PIEZO2: variants seen among roughly 807,000 people sequenced by gnomAD.
PIEZO2 encodes piezo-type mechanosensitive ion channel component 2.
In PIEZO2, 172 loss-of-function variants were observed where a neutral mutation model predicts 337.3. The observed-to-expected ratio is 0.51, with a 90% CI of 0.45 to 0.58. PIEZO2 has a LOEUF of 0.58. Among genes scored for constraint, PIEZO2 ranks in the 20% least tolerant of loss-of-function variants. The probability of loss-of-function intolerance (pLI) is 0.00; values close to 1 mark genes in which losing one functional copy is unlikely to be tolerated. For missense variants in PIEZO2, 3,028 were observed against 3,391.3 expected (o/e 0.89, Z 2.66); for synonymous variants, 1,251 against 1,228.5 (o/e 1.02, Z -0.38).
intron 31 of PIEZO2, among the ~76,000 whole-genome samples, 196 bp downstream of exon 31, chr18:10,743,946 T>C (rs563129280): frequency 2.6e-5 from 4 of 152,348 alleles, no homozygotes; most frequent in African/African-American, 7.2e-5. Context: ...GAGCGATCTT[T>C]CTGTTAAACT....
At chr18:10,809,013 C>T (rs10502406) in intron 7 of PIEZO2, among the ~76,000 whole-genome samples, 7 of 152,098 alleles carry the variant, frequency 4.6e-5, no homozygotes, top group South Asian at 4.1e-4. Context: ...GTTGGTAAAG[C>T]GAACTAAATG....
intron 2 of PIEZO2, among the ~76,000 whole-genome samples, chr18:11,062,060 G>C (rs2037982349): frequency 1.3e-5 from 2 of 152,030 alleles, no homozygotes; most frequent in Admixed American, 1.3e-4. Context: ...CCAAAACAGA[G>C]ATATAGACCA....
intron 2 of PIEZO2, among the ~76,000 whole-genome samples, chr18:11,011,457 G>A (rs1258865145): frequency 6.6e-6 from 1 of 151,998 alleles, no homozygotes; most frequent in Non-Finnish European, 1.5e-5. Context: ...GTATATTTAT[G>A]CTTAAAAATA....
chr18:10,901,741 T>G (rs1249799823), intron 4 of PIEZO2, among the ~76,000 whole-genome samples: 1 of 152,194 alleles, frequency 6.6e-6, no homozygotes, highest in Non-Finnish European at 1.5e-5. Flanking sequence ...ACTATTATTA[T>G]TGATAACATT....
chr18:10,946,050 A>G (rs964156271), intron 3 of PIEZO2, among the ~76,000 whole-genome samples: 1 of 152,180 alleles, frequency 6.6e-6, no homozygotes. Context: ...ATGTAATTGG[A>G]CCCCAAAATC....
In PIEZO2 at chr18:10,871,295, G is replaced by A. The variant is rs191321253; in HGVS notation, c.450C>T (p.Asp150=). The A allele has an allele frequency of 1.3e-4, 203 of 1,537,114 alleles. No homozygotes were observed. Among genetic ancestry groups the A allele is most frequent in the African/African-American group, 8.8e-4 (64 of 73,130 alleles). Residue 150 remains aspartate (D), a synonymous_variant, in exon 5 of 56, where the codon GAC becomes GAT. Transcript: ENST00000674853. ...CRNIVQKPVT[D]EAAQSNPEFE... is the part of the protein sequence containing the mutation. ...ACTCCGGGTTACTCTGTGCTGCTTC[G>A]TCTGTCACAGGTTTCTGAACAATGT...
intron 7 of PIEZO2, among the ~76,000 whole-genome samples, chr18:10,849,623 T>C (rs1469473671): frequency 6.6e-6 from 1 of 152,008 alleles, no homozygotes. Context: ...GCCCTACAAG[T>C]AGGAAACGCA....
rs188947076 is a variant in PIEZO2 at position 10,724,212 on chromosome 18, C to T, written c.5030-5953G>A. 7.2e-5 allele frequency among the ~76,000 whole-genome samples: 11 copies of T among 152,236 alleles called. No homozygotes were observed. The highest frequency in any genetic ancestry group is 1.9e-4 in the East Asian group (1 of 5,160). ...GTGGGTGTTTAAAACTCTTGCTTTC[C>T]GCTGGACATGGTGGCTCATGCGTTT... On this transcript the variant is annotated intron_variant, in intron 36 of 55. Coordinates refer to ENST00000674853, the MANE Select transcript of PIEZO2 (RefSeq NM_001378183.1). The surrounding 1 kb of genome is among the most constrained non-coding windows in gnomAD (Gnocchi z 5.8).
rs968228989 is a variant in PIEZO2 at position 11,110,786 on chromosome 18, T to C, written c.64+37739A>G. Among the ~76,000 whole-genome samples the C allele has an allele frequency of 5.3e-5, 8 of 152,170 alleles. No homozygotes were observed. Among genetic ancestry groups the C allele is most frequent in the Non-Finnish European group, 8.8e-5 (6 of 67,984 alleles). On this transcript the variant is annotated intron_variant, in intron 1 of 55. Coordinates refer to ENST00000674853, the MANE Select transcript of PIEZO2 (RefSeq NM_001378183.1). This position sits in a 1 kb window ranked among gnomAD's most constrained non-coding sequence, Gnocchi z 4.2. ...GGCAGCTCTGGCCCACGTGTGCGTT[T>C]CCTTTGGAACACACAGTATTGACCA...
In PIEZO2 at chr18:10,834,553, G is replaced by T. The variant is rs1415839794; in HGVS notation, c.917+20800C>A. Among the ~76,000 whole-genome samples, 1 of 152,188 alleles carries T rather than the reference G, an allele frequency of 6.6e-6. No homozygotes were observed. The highest frequency in any genetic ancestry group is 6.5e-5 in the Admixed American group (1 of 15,284). ...TTTTTGGGAGAATGCAACAGAATGTGATTGAATCCCTGCTGGGTGTCAGGC... is the reference window on the plus strand; with the variant it reads ...TTTTTGGGAGAATGCAACAGAATGTTATTGAATCCCTGCTGGGTGTCAGGC... On this transcript the variant is annotated intron_variant, in intron 7 of 55. Transcript: ENST00000674853. This position sits in a 1 kb window ranked among gnomAD's most constrained non-coding sequence, Gnocchi z 4.5.
intron 45 of PIEZO2, among the ~76,000 whole-genome samples, chr18:10,697,235 C>G (rs1313192356): frequency 6.6e-6 from 1 of 152,196 alleles, no homozygotes; most frequent in Non-Finnish European, 1.5e-5. Context: ...CTCCTGCTCT[C>G]AGAGCCTCTG....
intron 5 of PIEZO2, among the ~76,000 whole-genome samples, chr18:10,866,739 T>C (rs547043898): frequency 6.6e-6 from 1 of 152,192 alleles, no homozygotes; most frequent in African/African-American, 2.4e-5. Flanking sequence ...AAGTCAGTCA[T>C]GGACTCAAAG....
intron 36 of PIEZO2, among the ~76,000 whole-genome samples, chr18:10,722,378 G>A (rs1014161198): frequency 5.3e-5 from 8 of 151,854 alleles, no homozygotes; most frequent in African/African-American, 9.7e-5. Context: ...TTACAGGTGC[G>A]TGCCACCATG....
chr18:10,896,161 G>A (rs1254458461), intron 4 of PIEZO2, among the ~76,000 whole-genome samples: 3 of 152,100 alleles, frequency 2.0e-5, no homozygotes, highest in Non-Finnish European at 4.4e-5. Flanking sequence ...TATTCCTGGG[G>A]ACTGGGAGCA....
intron 7 of PIEZO2, among the ~76,000 whole-genome samples, chr18:10,848,933 C>G (rs147245909): frequency 2.0e-5 from 3 of 152,164 alleles, no homozygotes; most frequent in African/African-American, 7.2e-5. Flanking sequence ...ACTGAATTAT[C>G]CAGATCACCA....
At chr18:10,696,006 C>A in intron 47 of PIEZO2, 68 bp downstream of exon 47, 1 of 1,439,920 alleles carries the variant, frequency 6.9e-7, no homozygotes, top group Non-Finnish European at 9.8e-7. Context: ...GCAATGCATG[C>A]GAGTATCACC....
In PIEZO2 at chr18:10,727,199, G is replaced by A; in HGVS notation, c.5029+4208C>T. On this transcript the variant is annotated intron_variant, in intron 36 of 55. Transcript: ENST00000674853. This position sits in a 1 kb window ranked among gnomAD's most constrained non-coding sequence, Gnocchi z 6.3. Reference sequence around the variant, plus strand: ...CCTCCAGCTCTGTGTTGAGCAGAGGGAAGGCATGGGGGCAGGAAGGGAGCT... The same window carrying A: ...CCTCCAGCTCTGTGTTGAGCAGAGGAAAGGCATGGGGGCAGGAAGGGAGCT... 3.0e-6 allele frequency: 1 copy of A among 330,130 alleles called. No individual in the cohort carries two copies. Among genetic ancestry groups the A allele is most frequent in the Non-Finnish European group, 5.4e-6 (1 of 183,986 alleles). The allele number at this position is 330,130 out of a possible 1,614,324, so 20.5% of individuals were successfully genotyped here. A position where few individuals can be genotyped will look rare whatever the true frequency, so the allele number is the denominator to read the frequency against.
intron 7 of PIEZO2, among the ~76,000 whole-genome samples, chr18:10,849,766 C>A (rs1362502177): frequency 2.0e-5 from 3 of 152,186 alleles, no homozygotes; most frequent in African/African-American, 7.2e-5. Context: ...AATACAAAAC[C>A]TTTGGAAGAA....
chr18:10,830,077 G>A lies in PIEZO2; in HGVS notation c.918-22803C>T, dbSNP rs1002960280. ...AGAGCTCTAGTAACCAAAACAGTAT[G>A]GTACTGGCATAAAAACAGACACACA... is the stretch of plus-strand genomic sequence containing the variant. On this transcript the variant is annotated intron_variant, in intron 7 of 55. Transcript: ENST00000674853. This position sits in a 1 kb window ranked among gnomAD's most constrained non-coding sequence, Gnocchi z 4.7. Among the ~76,000 whole-genome samples the A allele has an allele frequency of 6.6e-6, 1 of 152,074 alleles. No homozygotes were observed. Among genetic ancestry groups the A allele is most frequent in the Non-Finnish European group, 1.5e-5 (1 of 68,000 alleles).
Sources: gnomAD v4.1 joint callset for allele counts (sites outside exome capture counted in the v4.1 genomes callset) on GRCh38, gnomAD v4.1.1 for gene constraint, Gnocchi (gnomAD v3.1) non-coding constraint, MANE v1.5 for transcripts, NCBI Gene and HGNC (gene_info 2026-07-23, HGNC 2026-07-21) for gene names.